TAC1: variants seen among roughly 807,000 people sequenced by gnomAD.
TAC1 encodes the protein tachykinin precursor 1, also known as protachykinin-1.
In TAC1, 12 loss-of-function variants were observed where a neutral mutation model predicts 21.7. The observed-to-expected ratio is 0.55, with a 90% CI of 0.35 to 0.89. The LOEUF (loss-of-function observed/expected upper bound fraction) is 0.89, where lower values mean the gene tolerates loss of function less well. TAC1 is among the 40% of genes least tolerant of loss of function. The pLI is 0.01. For synonymous variants in TAC1, 52 were observed against 52.0 expected, an observed-to-expected ratio of 1.00 and a Z score of 0.00; for missense variants, 128 against 151.4, an observed-to-expected ratio of 0.85 and a Z score of 0.81.
At chr7:97,739,227 G>A (rs1329138138) in intron 6 of TAC1, among the ~76,000 whole-genome samples, 1 of 151,826 alleles carries the variant, frequency 6.6e-6, no homozygotes, top group African/African-American at 2.4e-5. Flanking sequence ...TCACTGGGAG[G>A]TATCCACAAG....
At chr7:97,739,762 G>A (rs777204089) in intron 6 of TAC1, 112 bp from the exon 7 acceptor site, 1 of 640,996 alleles carries the variant, frequency 1.6e-6, no homozygotes, top group Non-Finnish European at 2.6e-6. Context: ...CTTCTGTAGA[G>A]GGAAAATGTC....
At chr7:97,736,212 T>G in intron 5 of TAC1, 87 bp from the exon 6 acceptor site, 1 of 1,088,620 alleles carries the variant, frequency 9.2e-7, no homozygotes, top group South Asian at 1.5e-5. Flanking sequence ...TACAGACATA[T>G]ATTCAGAAGC....
chr7:97,734,423 C>T (rs1405666755), intron 4 of TAC1, 131 bp downstream of exon 4: 1 of 748,904 alleles, frequency 1.3e-6, no homozygotes, highest in Non-Finnish European at 2.2e-6. Flanking sequence ...TTTGCGCACT[C>T]TCTCTCGGTT....
chr7:97,739,011 ATAAT>A (rs1789639687), intron 6 of TAC1, among the ~76,000 whole-genome samples: 1 of 150,068 alleles, frequency 6.7e-6, no homozygotes, highest in African/African-American at 2.4e-5. Context: ...ATAATATAAT[ATAAT>A]ATACAATTTT....
Position 97,732,253 on chromosome 7 carries a change from C to G in TAC1, c.-10+58C>G, listed in dbSNP as rs1230108920. 5.5e-6 allele frequency: 1 copy of G among 182,410 alleles called. No individual in the cohort carries two copies. Among genetic ancestry groups the G allele is most frequent in the Non-Finnish European group, 1.2e-5 (1 of 86,940 alleles). The allele number at this position is 182,410 out of a possible 1,614,324, so 11.3% of individuals were successfully genotyped here. Reference sequence around the variant, plus strand: ...CCGGGTCACCCCGCCCCGCATCTGTCCGAGGTGGCCGCGCTGGGGGCGCCG... The same window carrying G: ...CCGGGTCACCCCGCCCCGCATCTGTGCGAGGTGGCCGCGCTGGGGGCGCCG... On this transcript the variant is annotated intron_variant, in intron 1 of 6. Transcript: ENST00000319273. This position sits in a 1 kb window ranked among gnomAD's most constrained non-coding sequence, Gnocchi z 6.2.
At position 97,732,758 on chromosome 7, in the gene TAC1, C is replaced by A. The variant is rs780689063; in HGVS notation, c.123+23C>A. Reference sequence around the variant, plus strand: ...AAGGTGAGGCCCCTTCCCAGGACGGCCCGCACCCTTCTTCCTGGGCTCGGG... The same window carrying A: ...AAGGTGAGGCCCCTTCCCAGGACGGACCGCACCCTTCTTCCTGGGCTCGGG... On this transcript the variant is annotated intron_variant, in intron 2 of 6. Coordinates refer to ENST00000319273, the MANE Select transcript of TAC1 (RefSeq NM_003182.3). The surrounding 1 kb of genome is among the most constrained non-coding windows in gnomAD (Gnocchi z 6.2). 1.9e-6 allele frequency: 3 copies of A among 1,606,796 alleles called. No individual in the cohort carries two copies. The highest frequency in any genetic ancestry group is 2.6e-6 in the Non-Finnish European group (3 of 1,176,338).
In TAC1 at chr7:97,732,462, G is replaced by A. The variant is rs1789456959; in HGVS notation, c.-9-142G>A. ...GCGATTCTCTCGCCTAACCGGTACA[G>A]GTGAGACTTCAGTCCTTATGTTTTT... On this transcript the variant is annotated intron_variant, in intron 1 of 6. Transcript: ENST00000319273. The surrounding 1 kb of genome is among the most constrained non-coding windows in gnomAD (Gnocchi z 6.2). 7.2e-6 allele frequency: 7 copies of A among 967,914 alleles called. No homozygotes were observed. Among genetic ancestry groups the A allele is most frequent in the Non-Finnish European group, 1.1e-5 (7 of 640,448 alleles). The allele number at this position is 967,914 out of a possible 1,614,324, so 60.0% of individuals were successfully genotyped here. A position where few individuals can be genotyped will look rare whatever the true frequency, so the allele number is the denominator to read the frequency against.
rs755744209 is a variant in TAC1 at position 97,733,830 on chromosome 7, C to T, written c.220+11C>T. The T allele has an allele frequency of 6.2e-7, 1 of 1,613,724 alleles. No homozygotes were observed. Among genetic ancestry groups the T allele is most frequent in the Admixed American group, 1.7e-5 (1 of 60,000 alleles). On this transcript the variant is annotated intron_variant, in intron 3 of 6. Coordinates refer to ENST00000319273, the MANE Select transcript of TAC1 (RefSeq NM_003182.3). The stretch of plus-strand genomic sequence containing the variant: ...GCAAACGGGATGCTGGTGAGATAGG[C>T]GACCGTCCCTAGGTGTCTTGGGCAG...
intron 6 of TAC1, among the ~76,000 whole-genome samples, chr7:97,739,525 C>A (rs755230157): frequency 2.6e-5 from 4 of 151,962 alleles, no homozygotes; most frequent in Non-Finnish European, 5.9e-5. Flanking sequence ...TACTAGTATT[C>A]CTGGTTATTT....
chr7:97,734,876 A>G (rs1394704145), intron 5 of TAC1, 27 bp downstream of exon 5: 35 of 1,535,054 alleles, frequency 2.3e-5, no homozygotes, highest in Non-Finnish European at 3.1e-5. Context: ...TTTGACATTT[A>G]TCAAATTTAA....
chr7:97,732,774 T>G lies in TAC1; in HGVS notation c.123+39T>G, dbSNP rs1254474558. The G allele has an allele frequency of 6.3e-7, 1 of 1,597,090 alleles. No homozygotes were observed. The highest frequency in any genetic ancestry group is 1.1e-5 in the South Asian group (1 of 89,718). On this transcript the variant is annotated intron_variant, in intron 2 of 6. Transcript: ENST00000319273. This position sits in a 1 kb window ranked among gnomAD's most constrained non-coding sequence, Gnocchi z 6.2. ...CCAGGACGGCCCGCACCCTTCTTCC[T>G]GGGCTCGGGAGCTGTCACCTTCCCA...
chr7:97,736,733 A>C (rs1789581526), intron 6 of TAC1, among the ~76,000 whole-genome samples: 1 of 152,078 alleles, frequency 6.6e-6, no homozygotes, highest in Non-Finnish European at 1.5e-5. Flanking sequence ...TTATCAAAGT[A>C]ATTTGAAAGT....
chr7:97,737,733 G>A (rs574327640), intron 6 of TAC1, among the ~76,000 whole-genome samples: 1 of 152,058 alleles, frequency 6.6e-6, no homozygotes, highest in South Asian at 2.1e-4. Context: ...CTGCCGAAGT[G>A]TAAAAGTGTA....
intron 2 of TAC1, 40 bp from the exon 3 acceptor site, chr7:97,733,683 G>A (rs776642530): frequency 1.5e-5 from 24 of 1,605,896 alleles, no homozygotes; most frequent in Non-Finnish European, 1.7e-5. Flanking sequence ...CCTCGCTCTG[G>A]TTGCCTTACA....
At position 97,732,800 on chromosome 7, in the gene TAC1, C is replaced by A; in HGVS notation, c.123+65C>A. 1.3e-6 allele frequency: 2 copies of A among 1,566,130 alleles called. No homozygotes were observed. The highest frequency in any genetic ancestry group is 8.6e-7 in the Non-Finnish European group (1 of 1,156,674). The stretch of plus-strand genomic sequence containing the variant: ...GGGCTCGGGAGCTGTCACCTTCCCA[C>A]GCAACAGCACCCTAGTTAACGTGGC... On this transcript the variant is annotated intron_variant, in intron 2 of 6. Coordinates refer to ENST00000319273, the MANE Select transcript of TAC1 (RefSeq NM_003182.3). This position sits in a 1 kb window ranked among gnomAD's most constrained non-coding sequence, Gnocchi z 6.2.
intron 6 of TAC1, among the ~76,000 whole-genome samples, chr7:97,737,020 G>A (rs78145257): frequency 0.19 from 28,230 of 151,786 alleles, 2,737 homozygotes; most frequent in East Asian, 0.27. Context: ...CAACTTTTTC[G>A]TATGATATAA....
intron 6 of TAC1, among the ~76,000 whole-genome samples, chr7:97,738,330 A>G (rs1408804447): frequency 1.3e-5 from 2 of 151,986 alleles, no homozygotes; most frequent in East Asian, 1.9e-4. Context: ...TCAAAAATTT[A>G]TATCAGGCTT....
intron 6 of TAC1, among the ~76,000 whole-genome samples, chr7:97,739,129 T>C (rs1255012427): frequency 1.3e-5 from 2 of 151,512 alleles, no homozygotes; most frequent in Admixed American, 6.6e-5. Context: ...ATTAAGGTGC[T>C]AGTGAAAAGT....
chr7:97,736,275 A>G, intron 5 of TAC1, 24 bp from the exon 6 acceptor site: 1 of 1,597,088 alleles, frequency 6.3e-7, no homozygotes, highest in Non-Finnish European at 8.6e-7. Flanking sequence ...ACATATTAAA[A>G]TACCCCTAAA....
Sources: allele counts gnomAD v4.1 joint callset (sites outside exome capture counted in the v4.1 genomes callset), GRCh38; gene constraint gnomAD v4.1.1; non-coding constraint Gnocchi (gnomAD v3.1); transcripts MANE v1.5; gene names NCBI Gene and HGNC (gene_info 2026-07-23, HGNC 2026-07-21).